Variants in KLC3 observed in about 807,000 individuals in gnomAD.
KLC3 encodes kinesin light chain 3.
In KLC3, 72 loss-of-function variants were observed where a neutral mutation model predicts 62.9. The observed-to-expected ratio is 1.15, with a 90% CI of 0.95 to 1.39. The LOEUF is 1.39. Ranked by LOEUF, KLC3 falls within the 40% of genes most tolerant of loss-of-function variation. The probability of loss-of-function intolerance (pLI) is 0.00; values close to 1 mark genes in which losing one functional copy is unlikely to be tolerated. For synonymous variants in KLC3, 377 were observed against 300.5 expected (o/e 1.25, Z -2.63); for missense variants, 848 against 691.6 (o/e 1.23, Z -2.54).
Position 45,350,503 on chromosome 19 carries a change from T to C in KLC3, c.1235-11T>C. ...TGTCCCCATCTCAGTGTCCCCCATC[T>C]TTCCCCCTAGGTGCCCCCAACACAG... On this transcript the variant is annotated splice_polypyrimidine_tract_variant and intron_variant, in intron 9 of 12. Coordinates refer to ENST00000391946, the MANE Select transcript of KLC3 (RefSeq NM_177417.3). 6.2e-7 allele frequency: 1 copy of C among 1,613,574 alleles called. No individual in the cohort carries two copies. The highest frequency in any genetic ancestry group is 2.2e-5 in the East Asian group (1 of 44,832).
At chr19:45,341,042 C>T (rs1392176617) in intron 1 of KLC3, among the ~76,000 whole-genome samples, 196 bp downstream of exon 1, 1 of 151,878 alleles carries the variant, frequency 6.6e-6, no homozygotes, top group Non-Finnish European at 1.5e-5. Context: ...AGGTAAACAG[C>T]GAGGACGGGG....
chr19:45,342,024 G>A (rs558419774), intron 1 of KLC3, among the ~76,000 whole-genome samples: 15 of 152,198 alleles, frequency 9.9e-5, no homozygotes, highest in Non-Finnish European at 1.0e-4. Flanking sequence ...CTCTGTGTGA[G>A]TGTGGGAGCT....
Position 45,347,451 on chromosome 19 carries a change from C to CT in KLC3, c.495dup (p.Glu166Ter), listed in dbSNP as rs1380723668. On this transcript the variant is annotated frameshift_variant, in exon 4 of 13. Transcript: ENST00000391946. LOFTEE classifies it high-confidence loss of function. ...CCCACTTTCCTGTCTCTGCAGCAGT[C>CT]TGAGTCCCCGCCTCGCCGAGACAGC... The CT allele has an allele frequency of 2.5e-6, 4 of 1,611,664 alleles. No homozygotes were observed. Among genetic ancestry groups the CT allele is most frequent in the Non-Finnish European group, 3.4e-6 (4 of 1,178,976 alleles).
At chr19:45,343,220 G>A (rs144904236) in intron 1 of KLC3, among the ~76,000 whole-genome samples, 1 of 152,242 alleles carries the variant, frequency 6.6e-6, no homozygotes, top group African/African-American at 2.4e-5. Context: ...TGAGTTCGGG[G>A]GACAGCGAGT....
chr19:45,341,793 GTGTGTGTGT>G (rs1239994997), intron 1 of KLC3, among the ~76,000 whole-genome samples: 3 of 140,664 alleles, frequency 2.1e-5, no homozygotes, highest in South Asian at 2.1e-4. Flanking sequence ...GTGTGTGTGT[GTGTGTGTGT>G]AGAGAGGAAC....
At chr19:45,348,495 TGGAGG>T in intron 5 of KLC3, 146 bp from the exon 6 acceptor site, 2 of 738,714 alleles carry the variant, frequency 2.7e-6, no homozygotes, top group Non-Finnish European at 4.5e-6. Context: ...TTGCGAAATA[TGGAGG>T]GGCCCACAAA....
At chr19:45,351,071 GATGAGGCAA>G in intron 12 of KLC3, 54 bp downstream of exon 12, 1 of 1,613,812 alleles carries the variant, frequency 6.2e-7, no homozygotes, top group Non-Finnish European at 8.5e-7. Context: ...TAGGTGCAGA[GATGAGGCAA>G]AGGCAGGGCG....
chr19:45,347,758 G>A (rs1971538903), intron 4 of KLC3, among the ~76,000 whole-genome samples, 183 bp from the exon 5 acceptor site: 1 of 152,182 alleles, frequency 6.6e-6, no homozygotes, highest in African/African-American at 2.4e-5. Flanking sequence ...CCTGTCCCGA[G>A]GCCAGGATGC....
At position 45,346,627 on chromosome 19, in the gene KLC3, G is replaced by C; in HGVS notation, c.342G>C (p.Gln114His). 6.4e-7 allele frequency: 1 copy of C among 1,552,914 alleles called. No homozygotes were observed. The highest frequency in any genetic ancestry group is 8.7e-7 in the Non-Finnish European group (1 of 1,148,460). ...RLRSQARRLAQENVWLREELE... is the reference protein window; with the variant it reads ...RLRSQARRLAHENVWLREELE... ...GCTCGCAGGCCCGGCGGCTGGCCCA[G>C]GAGAACGTGTGGCTGCGGGAGGAAC... The change falls in exon 3 of 13, where the codon CAG (glutamine) becomes CAC (histidine). Residue 114 changes from glutamine (Q) to histidine (H), a missense_variant. By Grantham distance (24) the Gln-to-His change is conservative. Transcript: ENST00000391946.
Position 45,347,459 on chromosome 19 carries a change from C to T in KLC3, c.502C>T (p.Pro168Ser), listed in dbSNP as rs745809350. 1.2e-5 allele frequency: 20 copies of T among 1,612,666 alleles called. No individual in the cohort carries two copies. Among genetic ancestry groups the T allele is most frequent in the Non-Finnish European group, 1.6e-5 (19 of 1,179,368 alleles). ...PPAESQQSESPPRRDSLASLF... is the reference protein window; with the variant it reads ...PPAESQQSESSPRRDSLASLF... ...CCTGTCTCTGCAGCAGTCTGAGTCC[C>T]CGCCTCGCCGAGACAGCCTGGCCTC... The change falls in exon 4 of 13, where the codon CCG (proline) becomes TCG (serine). Residue 168 changes from proline (P) to serine (S), a missense_variant. Pro to Ser is a moderately conservative substitution (Grantham distance 74, BLOSUM62 -1). Transcript: ENST00000391946.
chr19:45,346,677 G>C lies in KLC3; in HGVS notation c.392G>C (p.Arg131Pro). Reference protein sequence around the residue: ...EELEETQRRLRASEESVAQLE... With the variant: ...EELEETQRRLPASEESVAQLE... ...CTGGAGGAGACGCAGCGGCGGCTTC[G>C]GGCCAGCGAGGAGTCCGTGGCCCAG... is the stretch of plus-strand genomic sequence containing the variant. Residue 131 changes from arginine to proline, a missense_variant, in exon 3 of 13, where the codon CGG (arginine) becomes CCG (proline). Arg to Pro is a moderately radical substitution (Grantham distance 103). Coordinates refer to ENST00000391946, the MANE Select transcript of KLC3 (RefSeq NM_177417.3). The C allele has an allele frequency of 6.4e-7, 1 of 1,559,614 alleles. No individual in the cohort carries two copies. The highest frequency in any genetic ancestry group is 8.7e-7 in the Non-Finnish European group (1 of 1,153,874).
rs560356289 is a variant in KLC3, at chr19:45,350,669, A to C, written c.1301A>C (p.Lys434Thr). 8.1e-6 allele frequency: 13 copies of C among 1,613,532 alleles called. No individual in the cohort carries two copies. Among genetic ancestry groups the C allele is most frequent in the Middle Eastern group, 1.6e-4 (1 of 6,070 alleles). The change falls in exon 11 of 13, where the codon AAG (lysine) becomes ACG (threonine). Residue 434 changes from lysine (K) to threonine (T), a missense_variant. Coordinates refer to ENST00000391946, the MANE Select transcript of KLC3 (RefSeq NM_177417.3). ...CTTCGCCGCAGCAGCTCACTCTCCA[A>C]GATCCGTGAGTCTATCAGGCGAGGA... ...QALRRSSSLS[K>T]IRESIRRGSE...
Position 45,348,012 on chromosome 19 carries a change from C to A in KLC3, c.631C>A (p.His211Asn). The stretch of plus-strand genomic sequence containing the variant: ...GATCCCTGCCCGCCTTCGGACCCTG[C>A]ATAACCTCGTGATCCAGTACGCGGG... The part of the protein sequence containing the change: ...YEIPARLRTL[H>N]NLVIQYAGQG... The change falls in exon 5 of 13, where the codon CAT (histidine) becomes AAT (asparagine). Residue 211 changes from histidine (H) to asparagine (N), a missense_variant. His to Asn is a moderately conservative substitution (Grantham distance 68). Transcript: ENST00000391946. The A allele has an allele frequency of 6.2e-7, 1 of 1,609,240 alleles. No individual in the cohort carries two copies. Among genetic ancestry groups the A allele is most frequent in the Non-Finnish European group, 8.5e-7 (1 of 1,178,012 alleles).
rs1490741951 is a variant in KLC3, at chr19:45,348,933, C to G, written c.969+12C>G. 2.6e-6 allele frequency: 4 copies of G among 1,562,350 alleles called. No homozygotes were observed. Among genetic ancestry groups the G allele is most frequent in the Middle Eastern group, 1.7e-4 (1 of 6,020 alleles). On this transcript the variant is annotated intron_variant, in intron 7 of 12. Coordinates refer to ENST00000391946, the MANE Select transcript of KLC3 (RefSeq NM_177417.3). ...AGATCCGAGAGAAGGTCCCATCCCC[C>G]TCACCCCACCCCGAGGAACCCCTTG... is the stretch of plus-strand genomic sequence containing the variant.
At chr19:45,345,926 G>T in intron 2 of KLC3, 127 bp downstream of exon 2, 1 of 1,116,544 alleles carries the variant, frequency 9.0e-7, no homozygotes, top group African/African-American at 1.6e-5. Flanking sequence ...CACACTTTGG[G>T]AGGCTGAGGT....
chr19:45,349,850 C>A, intron 8 of KLC3: 1 of 523,202 alleles, frequency 1.9e-6, no homozygotes, highest in Non-Finnish European at 3.4e-6. Flanking sequence ...CAGCAGCAGA[C>A]ATTTATTGAG....
At chr19:45,345,981 C>T (rs1027182793) in intron 2 of KLC3, among the ~76,000 whole-genome samples, 182 bp downstream of exon 2, 2 of 152,092 alleles carry the variant, frequency 1.3e-5, no homozygotes, top group South Asian at 2.1e-4. Context: ...GCCTGGCCAA[C>T]ATGGGAAAAC....
chr19:45,341,797 GTGTGT>G (rs1424687512), intron 1 of KLC3, among the ~76,000 whole-genome samples: 327 of 140,878 alleles, frequency 2.3e-3, no homozygotes, highest in African/African-American at 9.4e-3. Context: ...GTGTGTGTGT[GTGTGT>G]AGAGAGGAAC....
Position 45,347,932 on chromosome 19 carries a change from C to A in KLC3, c.560-9C>A, listed in dbSNP as rs757252234. On this transcript the variant is annotated splice_polypyrimidine_tract_variant and intron_variant, in intron 4 of 12. Transcript: ENST00000391946. ...TGCAGTGACCCAGAGCCCACCCCAC[C>A]CCACCTAGGTCCTGAGGCCGCAGGA... The A allele has an allele frequency of 2.1e-5, 34 of 1,592,744 alleles. No individual in the cohort carries two copies. In the East Asian group the frequency reaches 7.5e-4, roughly 35 times the overall value.
Sources: allele counts gnomAD v4.1 joint callset (sites outside exome capture counted in the v4.1 genomes callset), GRCh38; gene constraint gnomAD v4.1.1; transcripts MANE v1.5; gene names NCBI Gene and HGNC (gene_info 2026-07-23, HGNC 2026-07-21).